FHIT: variants seen among roughly 807,000 people sequenced by gnomAD.
FHIT encodes bis(5'-adenosyl)-triphosphatase.
Under a neutral mutation model 17.9 loss-of-function variants are expected in FHIT, and 19 were observed. The observed-to-expected ratio is 1.06, with a 90% CI of 0.74 to 1.56. The LOEUF (loss-of-function observed/expected upper bound fraction) is 1.56, where lower values mean the gene tolerates loss of function less well. Ranked by LOEUF, FHIT falls within the 40% of genes most tolerant of loss-of-function variation. The probability of loss-of-function intolerance (pLI) is 0.00; values close to 1 mark genes in which losing one functional copy is unlikely to be tolerated. For synonymous variants in FHIT, 81 were observed against 69.7 expected (o/e 1.16, Z -0.81); for missense variants, 248 against 189.2 (o/e 1.31, Z -1.82).
intron 5 of FHIT, among the ~76,000 whole-genome samples, chr3:60,324,662 C>G (rs1463432181): frequency 1.3e-5 from 2 of 151,598 alleles, no homozygotes; most frequent in Non-Finnish European, 2.9e-5. Flanking sequence ...TTATGCTAAG[C>G]ATGGTTATGA....
intron 3 of FHIT, among the ~76,000 whole-genome samples, chr3:61,017,238 G>C (rs930837281): frequency 6.6e-6 from 1 of 152,200 alleles, no homozygotes; most frequent in African/African-American, 2.4e-5. Context: ...GCAGCAAGCT[G>C]AGATTGCGCC....
intron 4 of FHIT, among the ~76,000 whole-genome samples, chr3:60,713,263 G>A (rs1271072964): frequency 4.7e-5 from 7 of 150,246 alleles, no homozygotes; most frequent in African/African-American, 1.7e-4. Context: ...GAATCTCTGG[G>A]ACACATTCAA....
chr3:59,876,791 C>G (rs966500750), intron 8 of FHIT, among the ~76,000 whole-genome samples: 12 of 152,202 alleles, frequency 7.9e-5, no homozygotes, highest in African/African-American at 2.9e-4. Flanking sequence ...ACTAACGTAA[C>G]TCCAATTTTG....
chr3:60,731,053 C>T (rs2042018892), intron 4 of FHIT, among the ~76,000 whole-genome samples: 1 of 152,046 alleles, frequency 6.6e-6, no homozygotes. Context: ...ATTGCTTGAA[C>T]TTGGCAGGCG....
chr3:61,120,950 C>T (rs1423722560), intron 2 of FHIT, among the ~76,000 whole-genome samples: 3 of 151,482 alleles, frequency 2.0e-5, no homozygotes, highest in Non-Finnish European at 2.9e-5. Context: ...GTAAAGCATA[C>T]ACAAGTATCA....
intron 2 of FHIT, among the ~76,000 whole-genome samples, chr3:61,097,447 C>T (rs1281413097): frequency 6.6e-6 from 1 of 151,986 alleles, no homozygotes; most frequent in Non-Finnish European, 1.5e-5. Context: ...ATTTATATTC[C>T]TTTGGGTATA....
At chr3:61,199,950 AG>A (rs1237752021) in intron 2 of FHIT, among the ~76,000 whole-genome samples, 1 of 152,218 alleles carries the variant, frequency 6.6e-6, no homozygotes, top group Non-Finnish European at 1.5e-5. Flanking sequence ...AGCTGTACAG[AG>A]GTATGCTCAT....
intron 5 of FHIT, among the ~76,000 whole-genome samples, chr3:60,415,653 G>A (rs1232591083): frequency 6.6e-6 from 1 of 151,124 alleles, no homozygotes; most frequent in Non-Finnish European, 1.5e-5. Flanking sequence ...ATATTACACT[G>A]GACATATCTA....
intron 5 of FHIT, among the ~76,000 whole-genome samples, chr3:60,529,427 GTAAC>G (rs372093747): frequency 2.8e-4 from 42 of 152,098 alleles, no homozygotes; most frequent in African/African-American, 1.0e-3. Flanking sequence ...AAAAGAATAA[GTAAC>G]TACCTACTGA....
chr3:60,939,005 G>A (rs1394637812), intron 3 of FHIT, among the ~76,000 whole-genome samples: 2 of 152,130 alleles, frequency 1.3e-5, no homozygotes, highest in Non-Finnish European at 2.9e-5. Context: ...CTTTCAGTCT[G>A]TTTCTATGTA....
intron 7 of FHIT, among the ~76,000 whole-genome samples, chr3:60,009,168 TGTGTGTGTGTGTGTGTG>T (rs1700040797): frequency 1.2e-4 from 1 of 8,018 alleles, no homozygotes; most frequent in African/African-American, 3.7e-4. Flanking sequence ...GGATTTTATG[TGTGTGTGTGTGTGTGTG>T]TGTGTGTGTG....
intron 8 of FHIT, among the ~76,000 whole-genome samples, chr3:59,767,241 G>A (rs1054647144): frequency 3.3e-5 from 5 of 152,166 alleles, no homozygotes; most frequent in South Asian, 2.1e-4. Flanking sequence ...GCTCACGCCT[G>A]TAATCCCAGC....
At chr3:59,892,488 T>C (rs1306808952) in intron 8 of FHIT, among the ~76,000 whole-genome samples, 1 of 152,200 alleles carries the variant, frequency 6.6e-6, no homozygotes, top group Non-Finnish European at 1.5e-5. Context: ...ATTTAACAAC[T>C]GTAAATTTAA....
chr3:60,298,375 C>T (rs985200181), intron 5 of FHIT, among the ~76,000 whole-genome samples: 2 of 152,044 alleles, frequency 1.3e-5, no homozygotes, highest in Admixed American at 6.6e-5. Flanking sequence ...CACCAGTTAT[C>T]ATATTAGCAT....
At chr3:61,203,313 C>T (rs2106694759) in intron 1 of FHIT, among the ~76,000 whole-genome samples, 2 of 150,868 alleles carry the variant, frequency 1.3e-5, no homozygotes, top group Admixed American at 1.3e-4. Context: ...TGCACCATTG[C>T]ACTCCAGCCT....
chr3:60,963,438 G>T (rs1176721724), intron 3 of FHIT, among the ~76,000 whole-genome samples: 1 of 152,106 alleles, frequency 6.6e-6, no homozygotes, highest in African/African-American at 2.4e-5. Flanking sequence ...CTTCAGTTCT[G>T]CTCTGATCTT....
At chr3:60,272,653 G>C (rs1200232102) in intron 5 of FHIT, among the ~76,000 whole-genome samples, 1 of 152,124 alleles carries the variant, frequency 6.6e-6, no homozygotes, top group Non-Finnish European at 1.5e-5. Context: ...CTCACTGAAT[G>C]GCCACTTCTG....
chr3:60,542,228 T>A (rs972555612), intron 4 of FHIT, among the ~76,000 whole-genome samples: 2 of 152,200 alleles, frequency 1.3e-5, no homozygotes, highest in Admixed American at 6.5e-5. Flanking sequence ...TAGTATTCCT[T>A]GCCCATTCCT....
At chr3:60,606,891 G>A (rs9879362) in intron 4 of FHIT, among the ~76,000 whole-genome samples, 6,577 of 152,090 alleles carry the variant, frequency 0.043, 496 homozygotes, top group African/African-American at 0.15. Context: ...CCTTCTATTT[G>A]TAACAAATTC....
Sources: gnomAD v4.1 joint callset for allele counts (sites outside exome capture counted in the v4.1 genomes callset) on GRCh38, gnomAD v4.1.1 for gene constraint, MANE v1.5 for transcripts, NCBI Gene and HGNC (gene_info 2026-07-23, HGNC 2026-07-21) for gene names.